KCNG3: variants seen among roughly 807,000 people sequenced by gnomAD.
The protein encoded by KCNG3 is potassium voltage-gated channel modifier subfamily G member 3, also known as voltage-gated potassium channel regulatory subunit KCNG3.
A neutral mutation model predicts 29.0 loss-of-function variants in KCNG3; 15 were observed. The ratio of observed to expected loss-of-function variants is 0.52; its 90% CI spans 0.35 to 0.80. The LOEUF is 0.80. KCNG3 is among the 30% of genes least tolerant of loss of function. KCNG3 has a pLI of 0.01. For synonymous variants in KCNG3, 322 were observed against 248.9 expected (o/e 1.29, Z -2.76); for missense variants, 512 against 605.7 (o/e 0.85, Z 1.62).
the KCNG3 span, among the ~76,000 whole-genome samples, chr2:42,414,714 G>A: frequency 2.6e-5 from 4 of 151,892 alleles, no homozygotes; most frequent in African/African-American, 9.7e-5. Flanking sequence ...CATTTGTGTA[G>A]GCTAAAATAT....
At chr2:42,412,974 G>A in the KCNG3 span, among the ~76,000 whole-genome samples, 5 of 151,898 alleles carry the variant, frequency 3.3e-5, no homozygotes, top group Non-Finnish European at 7.4e-5. Flanking sequence ...GTCTCACTCT[G>A]TCACCCATGC....
At position 42,456,865 on chromosome 2, in the gene KCNG3, C is replaced by T. The variant is rs551539231; in HGVS notation, c.666-12286G>A. On this transcript the variant is annotated intron_variant, in intron 1 of 1. Coordinates refer to ENST00000306078, the MANE Select transcript of KCNG3 (RefSeq NM_133329.6). ...GCAAACTGCACATCAACAGCCACTT[C>T]ATTACCTAGAGTCTTTCATGTCCTT... Among the ~76,000 whole-genome samples, 71 of 152,288 alleles carry T rather than the reference C, an allele frequency of 4.7e-4. 1 individual carries two copies. In the East Asian group the frequency reaches 8.1e-3, roughly 17 times the overall value.
intron 1 of KCNG3, among the ~76,000 whole-genome samples, chr2:42,484,563 C>A (rs911259058): frequency 6.6e-6 from 1 of 152,176 alleles, no homozygotes; most frequent in Non-Finnish European, 1.5e-5. Context: ...TGTGTGTACA[C>A]GCACATGTGT....
intron 1 of KCNG3, among the ~76,000 whole-genome samples, chr2:42,468,903 G>C (rs999563989): frequency 8.0e-6 from 1 of 124,614 alleles, no homozygotes; most frequent in African/African-American, 3.1e-5. Context: ...TCAGTGAGTC[G>C]AGATCATGCC....
intron 1 of KCNG3, among the ~76,000 whole-genome samples, chr2:42,458,226 G>A (rs1672927173): frequency 6.6e-6 from 1 of 152,138 alleles, no homozygotes. Context: ...AGAGAACTGG[G>A]CTCCTCCCAC....
At chr2:42,434,666 CAAAAAAAA>C in the KCNG3 span, among the ~76,000 whole-genome samples, 772 of 64,678 alleles carry the variant, frequency 0.012, 2 homozygotes, top group Middle Eastern at 0.029. Context: ...AACTCCATCT[CAAAAAAAA>C]AAAAAAAAAA....
At chr2:42,451,602 G>A (rs545007798) in intron 1 of KCNG3, among the ~76,000 whole-genome samples, 2 of 152,172 alleles carry the variant, frequency 1.3e-5, no homozygotes, top group Non-Finnish European at 2.9e-5. Flanking sequence ...GTGCACGCCT[G>A]TAATCCCAGC....
chr2:42,420,534 A>C, the KCNG3 span, among the ~76,000 whole-genome samples: 13 of 152,166 alleles, frequency 8.5e-5, no homozygotes, highest in Non-Finnish European at 2.9e-5. Context: ...TCATGTCTGT[A>C]ATCCCAGCAC....
At chr2:42,457,632 C>CACACACACACAG (rs1672911079) in intron 1 of KCNG3, among the ~76,000 whole-genome samples, 1 of 136,240 alleles carries the variant, frequency 7.3e-6, no homozygotes, top group African/African-American at 3.1e-5. Context: ...AGATCTCACA[C>CACACACACACAG]ACACACACAC....
chr2:42,477,655 G>A (rs1673473366), intron 1 of KCNG3, among the ~76,000 whole-genome samples: 1 of 151,790 alleles, frequency 6.6e-6, no homozygotes, highest in Non-Finnish European at 1.5e-5. Flanking sequence ...GAGGTGGGTG[G>A]ATCACCTGAG....
intron 1 of KCNG3, among the ~76,000 whole-genome samples, chr2:42,449,208 C>T (rs13400087): frequency 2.0e-5 from 3 of 151,906 alleles, no homozygotes; most frequent in Admixed American, 6.6e-5. Flanking sequence ...CCTGGTTATT[C>T]GTAAGCACTT....
Position 42,493,380 on chromosome 2 carries a change from C to T in KCNG3, c.122G>A (p.Cys41Tyr). 1.3e-6 allele frequency: 2 copies of T among 1,539,176 alleles called. No individual in the cohort carries two copies. The highest frequency in any genetic ancestry group is 8.7e-7 in the Non-Finnish European group (1 of 1,143,768). Residue 41 changes from cysteine to tyrosine, a missense_variant, in exon 1 of 2, where the codon TGC becomes TAC. Transcript: ENST00000306078. The part of the protein sequence containing the change: ...PLRRVSRLHG[C>Y]RSERDVLEVC... ...CTCGAGCACGTCGCGCTCGGAGCGGCAGCCGTGCAGCCGGCTCACGCGGCG... is the reference window on the plus strand; with the variant it reads ...CTCGAGCACGTCGCGCTCGGAGCGGTAGCCGTGCAGCCGGCTCACGCGGCG...
chr2:42,492,148 G>T (rs1311207146), intron 1 of KCNG3, among the ~76,000 whole-genome samples: 1 of 152,106 alleles, frequency 6.6e-6, no homozygotes, highest in Non-Finnish European at 1.5e-5. Context: ...ATTTTTCTTT[G>T]TTCTCAAGGT....
At chr2:42,432,934 T>TAAAAA in the KCNG3 span, among the ~76,000 whole-genome samples, 7 of 132,746 alleles carry the variant, frequency 5.3e-5, no homozygotes, top group South Asian at 2.3e-4. Flanking sequence ...GCTTTTATGA[T>TAAAAA]AAAAAAAAAA....
At chr2:42,391,595 CTTT>C in the KCNG3 span, among the ~76,000 whole-genome samples, 2 of 88,112 alleles carry the variant, frequency 2.3e-5, no homozygotes, top group African/African-American at 9.7e-5. Flanking sequence ...TTTTATATCT[CTTT>C]TTTTTTTTTT....
the KCNG3 span, among the ~76,000 whole-genome samples, chr2:42,435,176 G>A: frequency 6.6e-6 from 1 of 152,068 alleles, no homozygotes; most frequent in Non-Finnish European, 1.5e-5. Flanking sequence ...GGTGGCGCAT[G>A]CCTGTAATCC....
the KCNG3 span, among the ~76,000 whole-genome samples, chr2:42,398,845 G>C: frequency 1.8e-4 from 28 of 152,114 alleles, no homozygotes; most frequent in Non-Finnish European, 3.8e-4. Flanking sequence ...TTTTTGACAT[G>C]TCAGCACTGT....
At chr2:42,412,238 T>C in the KCNG3 span, among the ~76,000 whole-genome samples, 1 of 152,232 alleles carries the variant, frequency 6.6e-6, no homozygotes, top group Non-Finnish European at 1.5e-5. Flanking sequence ...TCTTCTAAAA[T>C]TTTATCTAAC....
the KCNG3 span, among the ~76,000 whole-genome samples, chr2:42,406,314 GGT>G: frequency 6.6e-6 from 1 of 151,194 alleles, no homozygotes; most frequent in African/African-American, 2.4e-5. Context: ...CTGCCTCCTG[GGT>G]TCAAGCAATT....
Sources: gnomAD v4.1 joint callset for allele counts (sites outside exome capture counted in the v4.1 genomes callset) on GRCh38, gnomAD v4.1.1 for gene constraint, MANE v1.5 for transcripts, NCBI Gene and HGNC (gene_info 2026-07-23, HGNC 2026-07-21) for gene names.